The following SRGAP1 variants were observed in gnomAD, a reference collection of about 807,000 sequenced individuals.
The protein encoded by SRGAP1 is SLIT-ROBO Rho GTPase-activating protein 1.
In SRGAP1, 43 loss-of-function variants were observed where a neutral mutation model predicts 121.9. That is an observed-to-expected ratio of 0.35 (90% CI 0.28 to 0.46). SRGAP1 has a LOEUF of 0.46. Ranked by LOEUF, SRGAP1 falls within the 20% of genes least tolerant of loss-of-function variation. The pLI is 1.00. For synonymous variants in SRGAP1, 447 were observed against 485.4 expected, an observed-to-expected ratio of 0.92 and a Z score of 1.04; for missense variants, 1,102 against 1,350.9, an observed-to-expected ratio of 0.82 and a Z score of 2.89.
At chr12:64,072,154 C>CGG (rs11397582) in intron 8 of SRGAP1, among the ~76,000 whole-genome samples, 1,334 of 88,224 alleles carry the variant, frequency 0.015, 136 homozygotes, top group African/African-American at 0.054. Flanking sequence ...GTGTGGGCGG[C>CGG]GGGGGGGGGC....
At chr12:63,990,190 T>A in intron 3 of SRGAP1, 118 bp downstream of exon 3, 1 of 787,344 alleles carries the variant, frequency 1.3e-6, no homozygotes, top group Non-Finnish European at 2.0e-6. Context: ...AGACACAGAA[T>A]AAACAGTTAA....
chr12:64,117,236 A>T (rs2036537080), intron 18 of SRGAP1, among the ~76,000 whole-genome samples: 1 of 152,226 alleles, frequency 6.6e-6, no homozygotes, highest in Non-Finnish European at 1.5e-5. Flanking sequence ...GTCAGAAGAT[A>T]AAAGACATGG....
chr12:64,081,384 T>C (rs2035836060), intron 10 of SRGAP1: 1 of 151,706 alleles, frequency 6.6e-6, no homozygotes, highest in South Asian at 2.1e-4. Context: ...CTCATCATCC[T>C]CAGGGAATGA....
At chr12:63,871,789 A>T (rs1266719957) in intron 1 of SRGAP1, 12 of 1,307,148 alleles carry the variant, frequency 9.2e-6, no homozygotes, top group Non-Finnish European at 1.2e-5. Context: ...CCCAGTTCAA[A>T]ATGCTTGCAT....
chr12:64,100,800 C>G (rs934841805), intron 15 of SRGAP1, among the ~76,000 whole-genome samples: 3 of 152,086 alleles, frequency 2.0e-5, no homozygotes, highest in African/African-American at 7.2e-5. Flanking sequence ...TTTTTTCTTA[C>G]CAATGTGACC....
At chr12:64,093,061 A>G (rs974839682) in intron 12 of SRGAP1, among the ~76,000 whole-genome samples, 10 of 152,204 alleles carry the variant, frequency 6.6e-5, no homozygotes, top group Non-Finnish European at 1.3e-4. Flanking sequence ...ACTTCTAAAA[A>G]GGGCTTGATC....
intron 14 of SRGAP1, among the ~76,000 whole-genome samples, chr12:64,095,809 T>C (rs2036144872): frequency 2.0e-5 from 3 of 152,194 alleles, no homozygotes; most frequent in Non-Finnish European, 2.9e-5. Flanking sequence ...AACCCAGGCA[T>C]ACAGTGTGTA....
intron 18 of SRGAP1, 26 bp from the exon 19 acceptor site, chr12:64,125,951 G>A (rs766899467): frequency 1.1e-5 from 17 of 1,605,884 alleles, no homozygotes; most frequent in African/African-American, 1.3e-5. Context: ...CCTGTTTCTC[G>A]CTGTTTTCTG....
At chr12:63,980,586 C>T (rs1054915366) in intron 1 of SRGAP1, among the ~76,000 whole-genome samples, 7 of 150,662 alleles carry the variant, frequency 4.6e-5, no homozygotes, top group East Asian at 1.9e-4. Flanking sequence ...CTCTTCCTAA[C>T]GAGATGTTTC....
chr12:64,143,083 C>G lies in SRGAP1; in HGVS notation c.*411C>G, dbSNP rs1445340840. 1.1e-5 allele frequency: 2 copies of G among 176,830 alleles called. No homozygotes were observed. Among genetic ancestry groups the G allele is most frequent in the Non-Finnish European group, 2.5e-5 (2 of 81,614 alleles). 11.0% of individuals were successfully genotyped at this position (176,830 alleles called of 1,614,324 possible). On this transcript the variant is annotated 3_prime_UTR_variant, in exon 22 of 22. Transcript: ENST00000355086. ...GTATAGCCAGTGTTGGTCTGTGGCACTTGGGCTGAAAGGTGATAATGGCAT... is the reference window on the plus strand; with the variant it reads ...GTATAGCCAGTGTTGGTCTGTGGCAGTTGGGCTGAAAGGTGATAATGGCAT...
At chr12:63,957,111 G>C (rs1429469085) in intron 1 of SRGAP1, among the ~76,000 whole-genome samples, 1 of 152,142 alleles carries the variant, frequency 6.6e-6, no homozygotes, top group African/African-American at 2.4e-5. Context: ...ATTTATCCAT[G>C]CATCAGTTGA....
chr12:63,916,433 A>G (rs1161750122), intron 1 of SRGAP1, among the ~76,000 whole-genome samples: 3 of 152,154 alleles, frequency 2.0e-5, no homozygotes, highest in Non-Finnish European at 4.4e-5. Context: ...GAGGAGCATG[A>G]TTTCCTTAGT....
intron 1 of SRGAP1, among the ~76,000 whole-genome samples, chr12:63,917,283 G>A (rs914603278): frequency 2.6e-5 from 4 of 152,008 alleles, no homozygotes; most frequent in African/African-American, 4.8e-5. Flanking sequence ...CTGAGTCGTC[G>A]GAACCCCTGG....
In SRGAP1 at chr12:64,146,468, T is replaced by G. The variant is rs573293095; in HGVS notation, c.*3796T>G. The G allele has an allele frequency of 1.3e-5, 2 of 152,130 alleles. No individual in the cohort carries two copies. The highest frequency in any genetic ancestry group is 2.9e-5 in the Non-Finnish European group (2 of 68,018). 9.4% of individuals were successfully genotyped at this position (152,130 alleles called of 1,614,324 possible). A position where few individuals can be genotyped will look rare whatever the true frequency, so the allele number is the denominator to read the frequency against. On this transcript the variant is annotated 3_prime_UTR_variant, in exon 22 of 22. Coordinates refer to ENST00000355086, the MANE Select transcript of SRGAP1 (RefSeq NM_020762.4). Reference sequence around the variant, plus strand: ...CTTAACATTTAGGAATGACATAGCCTCTGGAGTCTACAAACTGAAGAAACT... The same window carrying G: ...CTTAACATTTAGGAATGACATAGCCGCTGGAGTCTACAAACTGAAGAAACT...
intron 1 of SRGAP1, among the ~76,000 whole-genome samples, chr12:63,981,226 A>G (rs2033236421): frequency 6.6e-6 from 1 of 152,222 alleles, no homozygotes; most frequent in Non-Finnish European, 1.5e-5. Context: ...TTAAATCCTG[A>G]TGGAAGTAAG....
rs553409694 is a variant in SRGAP1, at chr12:64,007,763, C to T, written c.427-9187C>T. Among the ~76,000 whole-genome samples the T allele has an allele frequency of 4.5e-4, 69 of 152,268 alleles. 2 individuals are homozygous for T. The South Asian group carries it at 0.013, about 28-fold the overall frequency. On this transcript the variant is annotated intron_variant, in intron 3 of 21. Transcript: ENST00000355086. ...ATCCTAAGAAAGACCTTCTAACAGT[C>T]TGAAGTCAGCAAGGCTATCTCACAT...
At chr12:64,029,088 A>G (rs947244527) in intron 4 of SRGAP1, among the ~76,000 whole-genome samples, 2 of 152,176 alleles carry the variant, frequency 1.3e-5, no homozygotes, top group African/African-American at 4.8e-5. Context: ...GATTCCTGGG[A>G]TGAGCCATTA....
rs924371897 is a variant in SRGAP1 at position 64,043,632 on chromosome 12, A to G, written c.801+57A>G. 6 of 1,367,936 alleles carry G rather than the reference A, an allele frequency of 4.4e-6. No individual in the cohort carries two copies. In the African/African-American group the frequency reaches 7.3e-5, roughly 17 times the overall value. The allele number at this position is 1,367,936 out of a possible 1,614,324, so 84.7% of individuals were successfully genotyped here. On this transcript the variant is annotated intron_variant, in intron 6 of 21. Transcript: ENST00000355086. ...TTAAAATGAAATTAACAATAACCAT[A>G]TTTCGTTGATTGGAAAATACTGTCA...
chr12:63,945,577 C>T lies in SRGAP1; in HGVS notation c.68-38370C>T, dbSNP rs567819559. On this transcript the variant is annotated intron_variant, in intron 1 of 21. Transcript: ENST00000355086. Reference sequence around the variant, plus strand: ...CTTGGAGAACTTATCTTGTGGATTCCACAACTTCAAGGTGTTCTTAACCCC... The same window carrying T: ...CTTGGAGAACTTATCTTGTGGATTCTACAACTTCAAGGTGTTCTTAACCCC... 5.9e-5 allele frequency among the ~76,000 whole-genome samples: 9 copies of T among 152,252 alleles called. No homozygotes were observed. In the East Asian group the frequency reaches 1.7e-3, roughly 29 times the overall value.
Sources: allele counts gnomAD v4.1 joint callset (sites outside exome capture counted in the v4.1 genomes callset), GRCh38; gene constraint gnomAD v4.1.1; transcripts MANE v1.5; gene names NCBI Gene and HGNC (gene_info 2026-07-23, HGNC 2026-07-21).